The following CPO variants were observed in gnomAD, a reference collection of about 807,000 sequenced individuals.
CPO encodes the protein metallocarboxypeptidase C.
A neutral mutation model predicts 41.2 loss-of-function variants in CPO; 43 were observed. The observed-to-expected ratio is 1.04, with a 90% CI of 0.82 to 1.35. The LOEUF (loss-of-function observed/expected upper bound fraction) is 1.35. CPO is among the 40% of genes most tolerant of loss of function. The pLI is 0.00. For missense variants in CPO, 408 were observed against 451.7 expected (o/e 0.90, Z 0.88); for synonymous variants, 178 against 162.7 (o/e 1.09, Z -0.72).
chr2:206,958,400 A>G lies in CPO; in HGVS notation c.367A>G (p.Lys123Glu), dbSNP rs553095578. Residue 123 changes from lysine (K) to glutamate (E), a missense_variant, in exon 4 of 9, where the codon AAA (lysine) becomes GAA (glutamate). Transcript: ENST00000272852. Reference protein sequence around the residue: ...IAPAFCQWFVKEILQNHKDNS... With the variant: ...IAPAFCQWFVEEILQNHKDNS... ...TCCTGCTTTTTGCCAATGGTTCGTC[A>G]AAGAAGTAAGTGTCTTTAGCTTTCT... The G allele has an allele frequency of 1.2e-5, 19 of 1,569,586 alleles. No homozygotes were observed. The highest frequency in any genetic ancestry group is 4.5e-5 in the East Asian group (2 of 44,032).
chr2:206,966,902 G>A lies in CPO; in HGVS notation c.778-1361G>A, dbSNP rs146487840. Among the ~76,000 whole-genome samples the A allele has an allele frequency of 2.6e-3, 400 of 152,156 alleles. 4 individuals carry two copies. Among genetic ancestry groups the A allele is most frequent in the African/African-American group, 9.2e-3 (380 of 41,496 alleles). ...ATAAATGTTGTTCCTTTTGAATTTC[G>A]CTGGGCCAGTTCCCTCTCTAGACAA... On this transcript the variant is annotated intron_variant, in intron 7 of 8. Transcript: ENST00000272852.
At position 206,968,356 on chromosome 2, in the gene CPO, C is replaced by CT. The variant is rs1324003247; in HGVS notation, c.862+16dup. 8.6e-6 allele frequency: 13 copies of CT among 1,519,684 alleles called. No homozygotes were observed. The highest frequency in any genetic ancestry group is 4.1e-5 in the African/African-American group (3 of 72,966). The allele number at this position is 1,519,684 out of a possible 1,614,324, so 94.1% of individuals were successfully genotyped here. ...GAGTGCAGATATTTTATGTAAGTAT[C>CT]TTTTTTTGCCTCTTCAATAGTATCT... On this transcript the variant is annotated intron_variant, in intron 8 of 8. Transcript: ENST00000272852.
At chr2:206,959,606 G>T in intron 4 of CPO, 25 bp from the exon 5 acceptor site, 1 of 1,000,954 alleles carries the variant, frequency 1.0e-6, no homozygotes, top group Non-Finnish European at 1.6e-6. Context: ...AAATAATTCT[G>T]AACATTTCTT....
intron 4 of CPO, among the ~76,000 whole-genome samples, chr2:206,958,871 A>G (rs371300120): frequency 2.6e-4 from 39 of 150,502 alleles, no homozygotes; most frequent in African/African-American, 9.0e-4. Context: ...CCTCTTGAGT[A>G]GCTGGGATTA....
chr2:206,962,263 G>A (rs1053159285), intron 6 of CPO, 149 bp from the exon 7 acceptor site: 3 of 679,194 alleles, frequency 4.4e-6, no homozygotes, highest in Non-Finnish European at 7.8e-6. Flanking sequence ...GACTATCCAA[G>A]TTGACTAATT....
At chr2:206,958,509 A>G (rs920796256) in intron 4 of CPO, 104 bp downstream of exon 4, 5 of 625,336 alleles carry the variant, frequency 8.0e-6, no homozygotes, top group African/African-American at 1.9e-5. Context: ...TAGTGATGCA[A>G]CTCTTTACTG....
chr2:206,961,091 GATA>G, intron 6 of CPO, 149 bp downstream of exon 6: 2 of 632,752 alleles, frequency 3.2e-6, no homozygotes, highest in Non-Finnish European at 5.6e-6. Flanking sequence ...CCTCTAACAG[GATA>G]ATATTATCTA....
In CPO at chr2:206,955,540, G is replaced by T. The variant is rs1168756117; in HGVS notation, c.243G>T (p.Glu81Asp). 1 of 1,595,856 alleles carries T rather than the reference G, an allele frequency of 6.3e-7. No individual in the cohort carries two copies. The highest frequency in any genetic ancestry group is 1.3e-5 in the African/African-American group (1 of 74,620). ...AGCATTTCCTAGGAGTGACCTATGAGACCCACCCCATGTATTATCTGAAGG... is the reference window on the plus strand; with the variant it reads ...AGCATTTCCTAGGAGTGACCTATGATACCCACCCCATGTATTATCTGAAGG... The part of the protein sequence containing the change: ...VTQHFLGVTY[E>D]THPMYYLKIS... Residue 81 changes from glutamate to aspartate, a missense_variant, in exon 3 of 9, where the codon GAG becomes GAT. By Grantham distance (45) the Glu-to-Asp change is conservative. Transcript: ENST00000272852.
At chr2:206,967,194 G>A (rs1300378761) in intron 7 of CPO, among the ~76,000 whole-genome samples, 3 of 152,024 alleles carry the variant, frequency 2.0e-5, no homozygotes, top group Non-Finnish European at 4.4e-5. Flanking sequence ...AGCAAACCTA[G>A]GCGACATGCA....
intron 1 of CPO, among the ~76,000 whole-genome samples, chr2:206,943,736 A>AGATAGATAGATGATGGATAGAT (rs1574345045): frequency 2.4e-5 from 2 of 83,260 alleles, no homozygotes; most frequent in Non-Finnish European, 4.9e-5. Context: ...GATGATAGAT[A>AGATAGATAGATGATGGATAGAT]GATAGATAGA....
At chr2:206,939,806 A>G (rs1692995850) in intron 1 of CPO, 139 bp downstream of exon 1, 3 of 504,508 alleles carry the variant, frequency 5.9e-6, no homozygotes, top group South Asian at 6.8e-5. Flanking sequence ...AATAATAAAG[A>G]CCACTGAAAT....
intron 7 of CPO, among the ~76,000 whole-genome samples, chr2:206,964,308 T>C (rs537241031): frequency 4.7e-4 from 72 of 152,242 alleles, no homozygotes; most frequent in Non-Finnish European, 8.5e-4. Context: ...ACACTTGCAC[T>C]ATATGATCAT....
intron 6 of CPO, among the ~76,000 whole-genome samples, chr2:206,961,602 G>A (rs1420376971): frequency 6.6e-6 from 1 of 152,142 alleles, no homozygotes; most frequent in East Asian, 1.9e-4. Flanking sequence ...CAGATAGGAG[G>A]TGCTCAGCTG....
At position 206,968,275 on chromosome 2, in the gene CPO, C is replaced by T; in HGVS notation, c.790C>T (p.Gln264Ter). Residue 264 changes from glutamine (Q) to a stop codon, truncating the protein, a stop_gained, in exon 8 of 9, where the codon CAG (glutamine) becomes TAG (stop). Coordinates refer to ENST00000272852, the MANE Select transcript of CPO (RefSeq NM_173077.3). LOFTEE classifies it high-confidence loss of function. Reference sequence around the variant, plus strand: ...TTCCCACCTACAGATTCAAGTTGGACAGAAGGCAGCAAATGCATTGAAAGC... The same window carrying T: ...TTCCCACCTACAGATTCAAGTTGGATAGAAGGCAGCAAATGCATTGAAAGC... ...SNHPEMIQVG[Q>*]KAANALKAKY... is the part of the protein sequence containing the mutation. The T allele has an allele frequency of 6.2e-7, 1 of 1,608,300 alleles. No individual in the cohort carries two copies. Among genetic ancestry groups the T allele is most frequent in the Non-Finnish European group, 8.5e-7 (1 of 1,174,788 alleles).
chr2:206,959,580 G>A (rs1438065933), intron 4 of CPO, 51 bp from the exon 5 acceptor site: 22 of 858,876 alleles, frequency 2.6e-5, no homozygotes, highest in Non-Finnish European at 4.2e-5. Flanking sequence ...AGAAAATTAA[G>A]AGAGAAAAGA....
intron 5 of CPO, among the ~76,000 whole-genome samples, chr2:206,960,206 G>A (rs1693452228): frequency 6.6e-6 from 1 of 152,178 alleles, no homozygotes; most frequent in Admixed American, 6.5e-5. Context: ...GCAGACAACT[G>A]TCTCTTTAAA....
At chr2:206,939,808 C>T (rs1397989530) in intron 1 of CPO, 141 bp downstream of exon 1, 3 of 497,028 alleles carry the variant, frequency 6.0e-6, no homozygotes, top group Admixed American at 7.3e-5. Context: ...TAATAAAGAC[C>T]ACTGAAATTT....
At chr2:206,940,052 G>A (rs139228957) in intron 1 of CPO, among the ~76,000 whole-genome samples, 1 of 152,118 alleles carries the variant, frequency 6.6e-6, no homozygotes, top group African/African-American at 2.4e-5. Flanking sequence ...ATTTCACCTA[G>A]AGATAAGTAC....
intron 7 of CPO, among the ~76,000 whole-genome samples, chr2:206,967,075 C>T (rs1322654986): frequency 1.3e-5 from 2 of 152,048 alleles, no homozygotes; most frequent in Non-Finnish European, 2.9e-5. Context: ...AAGGCTTTGG[C>T]AGATCACAGT....
Sources: allele counts gnomAD v4.1 joint callset (sites outside exome capture counted in the v4.1 genomes callset), GRCh38; gene constraint gnomAD v4.1.1; transcripts MANE v1.5; gene names NCBI Gene and HGNC (gene_info 2026-07-23, HGNC 2026-07-21).